Variants in CCDC186 observed in about 807,000 individuals in gnomAD.
CCDC186 encodes the protein coiled-coil domain-containing protein 186.
In CCDC186, 49 loss-of-function variants were observed where a neutral mutation model predicts 113.7. That is an observed-to-expected ratio of 0.43 (90% CI 0.34 to 0.55). The LOEUF is 0.55. CCDC186 is among the 20% of genes least tolerant of loss of function. The pLI, the probability that CCDC186 is intolerant of heterozygous loss-of-function variation, is 0.02. For synonymous variants in CCDC186, 355 were observed against 345.8 expected (o/e 1.03, Z -0.30); for missense variants, 890 against 1,011.1 (o/e 0.88, Z 1.62).
chr10:114,159,986 T>G (rs1023667346), intron 2 of CCDC186, among the ~76,000 whole-genome samples: 2 of 151,948 alleles, frequency 1.3e-5, no homozygotes, highest in African/African-American at 4.8e-5. Flanking sequence ...AAAGAATTTT[T>G]GGGCCAGGCG....
At chr10:114,149,766 AAGGAAGGAAGGCAGGAAGGC>A (rs2031779233) in intron 4 of CCDC186, among the ~76,000 whole-genome samples, 8 of 52,240 alleles carry the variant, frequency 1.5e-4, no homozygotes, top group Non-Finnish European at 3.2e-4. Context: ...GGAAGGAAGG[AAGGAAGGAAGGCAGGAAGGC>A]AGGAAGGAAG....
chr10:114,143,634 G>A (rs1446269986), intron 6 of CCDC186, among the ~76,000 whole-genome samples: 1 of 152,170 alleles, frequency 6.6e-6, no homozygotes, highest in African/African-American at 2.4e-5. Flanking sequence ...TGTCAACAGA[G>A]ACTATTCCTC....
At chr10:114,167,078 T>C (rs1333475060) in intron 1 of CCDC186, among the ~76,000 whole-genome samples, 2 of 148,694 alleles carry the variant, frequency 1.3e-5, no homozygotes, top group East Asian at 4.0e-4. Flanking sequence ...TGGAGTGCAA[T>C]GGCGCGATCT....
chr10:114,132,914 T>C (rs1378273930), intron 10 of CCDC186, among the ~76,000 whole-genome samples: 1 of 152,076 alleles, frequency 6.6e-6, no homozygotes, highest in Non-Finnish European at 1.5e-5. Context: ...TCCATAAACA[T>C]CTGTTAATCA....
chr10:114,162,461 A>C, intron 2 of CCDC186, 176 bp downstream of exon 2: 1 of 518,640 alleles, frequency 1.9e-6, no homozygotes, highest in South Asian at 3.6e-5. Context: ...GATATCTGAA[A>C]AACTCGACAT....
At chr10:114,142,745 C>A (rs1002417757) in intron 6 of CCDC186, among the ~76,000 whole-genome samples, 2 of 152,154 alleles carry the variant, frequency 1.3e-5, no homozygotes, top group African/African-American at 4.8e-5. Context: ...CAGTAAGCTA[C>A]AGGACTGCAG....
At chr10:114,140,747 T>C (rs900756669) in intron 6 of CCDC186, among the ~76,000 whole-genome samples, 3 of 152,302 alleles carry the variant, frequency 2.0e-5, no homozygotes, top group Admixed American at 6.5e-5. Flanking sequence ...GTTCAGACAT[T>C]ATGTCAATCT....
intron 1 of CCDC186, among the ~76,000 whole-genome samples, chr10:114,170,754 T>C (rs1004594921): frequency 6.6e-6 from 1 of 152,160 alleles, no homozygotes; most frequent in African/African-American, 2.4e-5. Flanking sequence ...TATGTTTAGC[T>C]TTACAATCCA....
At chr10:114,156,563 T>C (rs1459107636) in intron 3 of CCDC186, among the ~76,000 whole-genome samples, 1 of 151,992 alleles carries the variant, frequency 6.6e-6, no homozygotes. Flanking sequence ...CTGTCTCTAA[T>C]AAAAATACAA....
chr10:114,173,304 T>TA (rs2032571664), intron 1 of CCDC186: 1 of 442,624 alleles, frequency 2.3e-6, no homozygotes, highest in Non-Finnish European at 4.6e-6. Flanking sequence ...GTGAAGTTGT[T>TA]AAACTGTTAA....
chr10:114,131,288 T>C lies in CCDC186; in HGVS notation c.1960A>G (p.Thr654Ala). 6.3e-7 allele frequency: 1 copy of C among 1,599,890 alleles called. No individual in the cohort carries two copies. The highest frequency in any genetic ancestry group is 8.5e-7 in the Non-Finnish European group (1 of 1,174,308). Residue 654 changes from threonine to alanine, a missense_variant, in exon 12 of 16, where the codon ACT (threonine) becomes GCT (alanine). By Grantham distance (58) the Thr-to-Ala change is moderately conservative. Coordinates refer to ENST00000369287, the MANE Select transcript of CCDC186 (RefSeq NM_018017.4). ...CTACAAGCGAGTTCAGCTTGCAGAG[T>C]TTGGACTTCCTCTTTTCGCAGTTCT... ...EEELRKEEVQ[T>A]LQAELACRQT... is the part of the protein sequence containing the mutation.
intron 1 of CCDC186, chr10:114,173,304 T>C: frequency 2.3e-6 from 1 of 442,624 alleles, no homozygotes; most frequent in South Asian, 1.6e-5. Flanking sequence ...GTGAAGTTGT[T>C]AAACTGTTAA....
intron 13 of CCDC186, 44 bp from the exon 14 acceptor site, chr10:114,127,715 C>T: frequency 7.1e-7 from 1 of 1,410,384 alleles, no homozygotes; most frequent in South Asian, 1.2e-5. Context: ...CTTAATCTAA[C>T]ATCACCTCTC....
intron 1 of CCDC186, among the ~76,000 whole-genome samples, chr10:114,169,247 T>C (rs968580012): frequency 1.3e-5 from 2 of 148,980 alleles, no homozygotes; most frequent in Non-Finnish European, 3.0e-5. Flanking sequence ...TTTTTTTTTT[T>C]TTTTTTTTTT....
Position 114,145,777 on chromosome 10 carries a change from T to C in CCDC186, c.889-16A>G, listed in dbSNP as rs375874603. 3 of 1,558,218 alleles carry C rather than the reference T, an allele frequency of 1.9e-6. No homozygotes were observed. Among genetic ancestry groups the C allele is most frequent in the Non-Finnish European group, 2.6e-6 (3 of 1,158,648 alleles). On this transcript the variant is annotated splice_polypyrimidine_tract_variant and intron_variant, in intron 4 of 15. Coordinates refer to ENST00000369287, the MANE Select transcript of CCDC186 (RefSeq NM_018017.4). ...TCTTGTTGGCCTTCAAAAAAAATAT[T>C]ACTTAGCATTAATGAAAAATAATGT...
intron 1 of CCDC186, among the ~76,000 whole-genome samples, chr10:114,170,238 C>A (rs905766652): frequency 2.0e-5 from 3 of 146,836 alleles, no homozygotes; most frequent in Non-Finnish European, 3.0e-5. Context: ...AGGGCTATTT[C>A]AAAAAAAAAA....
chr10:114,170,172 T>G (rs1352883429), intron 1 of CCDC186, among the ~76,000 whole-genome samples: 1 of 152,158 alleles, frequency 6.6e-6, no homozygotes, highest in Non-Finnish European at 1.5e-5. Flanking sequence ...CACTTAAGTT[T>G]CATACAAGGT....
chr10:114,172,625 T>C (rs2032528867), intron 1 of CCDC186, among the ~76,000 whole-genome samples: 1 of 152,232 alleles, frequency 6.6e-6, no homozygotes, highest in Non-Finnish European at 1.5e-5. Flanking sequence ...TCCATGCATT[T>C]CCAGGGAGAA....
chr10:114,137,544 T>C (rs2031304096), intron 6 of CCDC186, among the ~76,000 whole-genome samples: 1 of 152,208 alleles, frequency 6.6e-6, no homozygotes, highest in Admixed American at 6.5e-5. Flanking sequence ...ATGAGCAAAG[T>C]GTTAAGTTCT....
Sources: gnomAD v4.1 joint callset for allele counts (sites outside exome capture counted in the v4.1 genomes callset) on GRCh38, gnomAD v4.1.1 for gene constraint, MANE v1.5 for transcripts, NCBI Gene and HGNC (gene_info 2026-07-23, HGNC 2026-07-21) for gene names.